The following RMC1 variants were observed in gnomAD, a reference collection of about 807,000 sequenced individuals.
RMC1 encodes regulator of MON1-CCZ1.
Under a neutral mutation model 95.5 loss-of-function variants are expected in RMC1, and 44 were observed. The observed-to-expected ratio is 0.46, with a 90% CI of 0.36 to 0.59. The LOEUF (loss-of-function observed/expected upper bound fraction) is 0.59. Among genes scored for constraint, RMC1 ranks in the 20% least tolerant of loss-of-function variants. The pLI, the probability that RMC1 is intolerant of heterozygous loss-of-function variation, is 0.00. For synonymous variants in RMC1, 320 were observed against 303.6 expected (o/e 1.05, Z -0.56); for missense variants, 705 against 819.6 (o/e 0.86, Z 1.71).
At chr18:23,521,693 CTCTT>C (rs1473097038) in intron 10 of RMC1, among the ~76,000 whole-genome samples, 23 of 68,876 alleles carry the variant, frequency 3.3e-4, no homozygotes, top group Admixed American at 3.3e-3. Context: ...CACACTCTCT[CTCTT>C]TTTTTTTTTT....
chr18:23,522,619 T>G (rs1264665483), intron 10 of RMC1: 2 of 152,328 alleles, frequency 1.3e-5, no homozygotes, highest in South Asian at 2.1e-4. Context: ...TCAGCTCTGT[T>G]CCGGTGGTAC....
Position 23,503,585 on chromosome 18 carries a change from C to G in RMC1, c.-34C>G. The G allele has an allele frequency of 6.6e-7, 1 of 1,516,316 alleles. No individual in the cohort carries two copies. Among genetic ancestry groups the G allele is most frequent in the Non-Finnish European group, 8.9e-7 (1 of 1,124,632 alleles). 93.9% of individuals were successfully genotyped at this position (1,516,316 alleles called of 1,614,324 possible). ...CATCCTGCTCCACTCTGGCGACCGC[C>G]CCCGGGGCCCCCGCCGCGGGCGCGG... On this transcript the variant is annotated 5_prime_UTR_variant, in exon 1 of 20. Coordinates refer to ENST00000269221, the MANE Select transcript of RMC1 (RefSeq NM_013326.5).
At chr18:23,526,808 C>T in intron 13 of RMC1, 43 bp downstream of exon 13, 1 of 1,599,936 alleles carries the variant, frequency 6.3e-7, no homozygotes, top group South Asian at 1.1e-5. Flanking sequence ...CAGTGTGAGG[C>T]CTGTGCTGCC....
chr18:23,504,342 C>T (rs1286221504), intron 1 of RMC1, 29 bp from the exon 2 acceptor site: 2 of 1,605,776 alleles, frequency 1.2e-6, no homozygotes, highest in Non-Finnish European at 1.7e-6. Context: ...AGAGTTCAGG[C>T]TGTTAACCTT....
In RMC1 at chr18:23,507,065, T is replaced by C. The variant is rs1384051691; in HGVS notation, c.264+11T>C. ...ACCTCAAAGACTGTGGTAAGACTTA[T>C]CTTTAAAATACAGCATTAAAGGGCA... On this transcript the variant is annotated intron_variant, in intron 3 of 19. Transcript: ENST00000269221. 2 of 1,554,642 alleles carry C rather than the reference T, an allele frequency of 1.3e-6. No individual in the cohort carries two copies. Among genetic ancestry groups the C allele is most frequent in the East Asian group, 4.5e-5 (2 of 44,430 alleles).
chr18:23,529,390 T>A, intron 15 of RMC1, 92 bp downstream of exon 15: 1 of 1,494,170 alleles, frequency 6.7e-7, no homozygotes, highest in Non-Finnish European at 8.9e-7. Flanking sequence ...TTAGAGTCAC[T>A]TGAAGTGATT....
At chr18:23,519,803 CG>C (rs1178934080) in intron 9 of RMC1, among the ~76,000 whole-genome samples, 22 of 152,168 alleles carry the variant, frequency 1.4e-4, no homozygotes, top group African/African-American at 5.3e-4. Flanking sequence ...GTTTTGAGGC[CG>C]TGTGGACCAG....
At chr18:23,519,892 G>A (rs1293218832) in intron 9 of RMC1, among the ~76,000 whole-genome samples, 1 of 152,160 alleles carries the variant, frequency 6.6e-6, no homozygotes. Context: ...CCAGAGGGTG[G>A]TGACGCTAAC....
chr18:23,531,178 A>T (rs184214053), intron 19 of RMC1, among the ~76,000 whole-genome samples: 1 of 151,968 alleles, frequency 6.6e-6, no homozygotes, highest in East Asian at 1.9e-4. Context: ...TTTAGTAGAG[A>T]TGGGGTTTTA....
intron 15 of RMC1, 73 bp downstream of exon 15, chr18:23,529,371 T>C: frequency 2.6e-6 from 4 of 1,540,538 alleles, no homozygotes; most frequent in Non-Finnish European, 3.5e-6. Flanking sequence ...ACGAGGAGAC[T>C]TCATGTGATT....
chr18:23,503,500 G>T (rs867141574), upstream of RMC1: 15 of 544,794 alleles, frequency 2.8e-5, no homozygotes, highest in Middle Eastern at 3.5e-3. Context: ...AGCGGCGTCC[G>T]CGCCGGGCCC....
intron 3 of RMC1, among the ~76,000 whole-genome samples, chr18:23,507,707 A>T (rs2057750535): frequency 6.6e-6 from 1 of 152,170 alleles, no homozygotes; most frequent in Admixed American, 6.5e-5. Flanking sequence ...CATTTCTCTG[A>T]CATCAGCTGC....
At position 23,509,226 on chromosome 18, in the gene RMC1, A is replaced by T; in HGVS notation, c.355A>T (p.Thr119Ser). The change falls in exon 5 of 20, where the codon ACT becomes TCT. Residue 119 changes from threonine (T) to serine (S), a missense_variant. By Grantham distance (58) the Thr-to-Ser change is moderately conservative. Coordinates refer to ENST00000269221, the MANE Select transcript of RMC1 (RefSeq NM_013326.5). ...TGCCAACATTCTAGGATTCTGCTGG[A>T]CTAGTTCAACTGAAATTGTCTTCAT... is the stretch of plus-strand genomic sequence containing the variant. ...KNANILGFCW[T>S]SSTEIVFITD... is the part of the protein sequence containing the mutation. 6.8e-7 allele frequency: 1 copy of T among 1,465,736 alleles called. No individual in the cohort carries two copies. The highest frequency in any genetic ancestry group is 9.0e-7 in the Non-Finnish European group (1 of 1,107,072). 90.8% of individuals were successfully genotyped at this position (1,465,736 alleles called of 1,614,324 possible).
Position 23,524,085 on chromosome 18 carries a change from C to T in RMC1, c.962-45C>T, listed in dbSNP as rs766843454. 9 of 1,600,626 alleles carry T rather than the reference C, an allele frequency of 5.6e-6. No individual in the cohort carries two copies. The African/African-American group carries it at 6.7e-5, about 12-fold the overall frequency. ...GTGTCATAAGTACCAGCATTTGCAG[C>T]ATTTTCTGACTGCATCGTTGCACTT... is the stretch of plus-strand genomic sequence containing the variant. On this transcript the variant is annotated intron_variant, in intron 10 of 19. Transcript: ENST00000269221.
intron 10 of RMC1, among the ~76,000 whole-genome samples, chr18:23,522,018 G>A (rs556088213): frequency 7.9e-5 from 12 of 152,312 alleles, no homozygotes; most frequent in South Asian, 2.1e-4. Context: ...GGCATTGGGC[G>A]GGTTGACCCA....
chr18:23,523,678 A>T (rs1389913026), intron 10 of RMC1, among the ~76,000 whole-genome samples: 1 of 152,074 alleles, frequency 6.6e-6, no homozygotes, highest in Admixed American at 6.6e-5. Context: ...GGCTATGATC[A>T]ACTACTGCAC....
Position 23,504,436 on chromosome 18 carries a change from C to G in RMC1, c.168C>G (p.Pro56=), listed in dbSNP as rs758738141. Reference sequence around the variant, plus strand: ...TTAAAGGCCCAGATGATAGGAATCCCATCTCATTTAGGTAATGGTATAGAC... The same window carrying G: ...TTAAAGGCCCAGATGATAGGAATCCGATCTCATTTAGGTAATGGTATAGAC... ...VVVKGPDDRN[P]ISFRMDDKGE... The change falls in exon 2 of 20, where the codon CCC becomes CCG. Residue 56 remains proline (P), a synonymous_variant. Transcript: ENST00000269221. 1 of 1,613,236 alleles carries G rather than the reference C, an allele frequency of 6.2e-7. No individual in the cohort carries two copies. Among genetic ancestry groups the G allele is most frequent in the South Asian group, 1.1e-5 (1 of 91,060 alleles).
Position 23,530,764 on chromosome 18 carries a change from T to TA in RMC1, c.1894+153dup, listed in dbSNP as rs553717488. The TA allele has an allele frequency of 1.9e-4, 136 of 698,704 alleles. 1 individual carries two copies. In the African/African-American group the frequency reaches 2.1e-3, roughly 11 times the overall value. The allele number at this position is 698,704 out of a possible 1,614,324, so 43.3% of individuals were successfully genotyped here. On this transcript the variant is annotated intron_variant, in intron 19 of 19. Coordinates refer to ENST00000269221, the MANE Select transcript of RMC1 (RefSeq NM_013326.5). ...CTAGCCCTTGGCCCATTATTTGTAG[T>TA]AGAGTGAATTCAGTATACTGACAGA...
At chr18:23,512,494 C>T (rs558654414) in intron 5 of RMC1, among the ~76,000 whole-genome samples, 58 of 152,262 alleles carry the variant, frequency 3.8e-4, no homozygotes, top group African/African-American at 1.4e-3. Flanking sequence ...AATCACGGCT[C>T]ACTGCAGCCT....
Sources: gnomAD v4.1 joint callset for allele counts (sites outside exome capture counted in the v4.1 genomes callset) on GRCh38, gnomAD v4.1.1 for gene constraint, MANE v1.5 for transcripts, NCBI Gene and HGNC (gene_info 2026-07-23, HGNC 2026-07-21) for gene names.